The following PPEF1 variants were observed in gnomAD, a reference collection of about 807,000 sequenced individuals.
The protein encoded by PPEF1 is protein phosphatase with EF-hand domain 1, also known as serine/threonine-protein phosphatase with EF-hands 1.
A neutral mutation model predicts 53.3 loss-of-function variants in PPEF1; 12 were observed. The ratio of observed to expected loss-of-function variants is 0.23; its 90% CI spans 0.14 to 0.36. The LOEUF is 0.36. Ranked by LOEUF, PPEF1 falls within the 10% of genes least tolerant of loss-of-function variation. The probability of loss-of-function intolerance (pLI) is 1.00; values close to 1 mark genes in which losing one functional copy is unlikely to be tolerated. For missense variants in PPEF1, 334 were observed against 490.4 expected (o/e 0.68, Z 3.01); for synonymous variants, 165 against 176.7 (o/e 0.93, Z 0.52).
At chrX:18,803,861 G>A (rs752658880) in intron 10 of PPEF1, 31 bp from the exon 11 acceptor site, 35 of 1,146,275 alleles carry the variant, frequency 3.1e-5, no homozygotes, top group Admixed American at 1.8e-4. Context: ...TCACTTGTAA[G>A]TTACAGCGAA....
intron 6 of PPEF1, among the ~76,000 whole-genome samples, chrX:18,766,593 C>G (rs2045779132): frequency 8.9e-6 from 1 of 111,996 alleles, no homozygotes; most frequent in Non-Finnish European, 1.9e-5. Context: ...ACTCACAGGA[C>G]AGGCCTTAGG....
intron 1 of PPEF1, among the ~76,000 whole-genome samples, chrX:18,723,269 G>GCCA (rs1230981512): frequency 9.0e-6 from 1 of 111,610 alleles, no homozygotes; most frequent in Non-Finnish European, 1.9e-5. Flanking sequence ...ACAGGCGTGA[G>GCCA]CCACCATGTG....
chrX:18,806,261 TCACA>T (rs2046661307), intron 11 of PPEF1, 138 bp from the exon 12 acceptor site: 2 of 654,858 alleles, frequency 3.1e-6, no homozygotes, highest in African/African-American at 4.5e-5. Flanking sequence ...GTCATAGAAA[TCACA>T]TCAGACTGTG....
At chrX:18,783,410 C>T (rs2046133483) in intron 8 of PPEF1, among the ~76,000 whole-genome samples, 1 of 110,810 alleles carries the variant, frequency 9.0e-6, no homozygotes, top group South Asian at 3.9e-4. Flanking sequence ...CCCAAGATGT[C>T]ATAGTATCAA....
At chrX:18,783,770 T>C in intron 8 of PPEF1, 129 bp from the exon 9 acceptor site, 2 of 586,779 alleles carry the variant, frequency 3.4e-6, no homozygotes, top group Admixed American at 3.3e-5. Flanking sequence ...TACATGCTAA[T>C]TGGTTAGTGA....
chrX:18,756,432 G>A (rs1278530738), intron 4 of PPEF1, among the ~76,000 whole-genome samples: 1 of 111,290 alleles, frequency 9.0e-6, no homozygotes, highest in Non-Finnish European at 1.9e-5. Flanking sequence ...TGCCCACCTC[G>A]GCCTTCCAAA....
At chrX:18,821,137 G>A (rs915515108) in intron 13 of PPEF1, among the ~76,000 whole-genome samples, 4 of 106,302 alleles carry the variant, frequency 3.8e-5, no homozygotes, top group African/African-American at 1.4e-4. Context: ...GCAGGAGAAT[G>A]GCATGAACCC....
At chrX:18,682,282 GA>G (rs1430946266), upstream of PPEF1, among the ~76,000 whole-genome samples, 1 of 112,604 alleles carries the variant, frequency 8.9e-6, no homozygotes, top group Non-Finnish European at 1.9e-5. Flanking sequence ...TGGCCTTTGG[GA>G]GCCCTCCACG....
rs1340522249 is a variant in PPEF1, at chrX:18,798,541, A to C, written c.1066-5351A>C. Reference sequence around the variant, plus strand: ...ACGTGACCTACTTTAGTCAGCCCTTATTCAATGAGGCCTGAAGGGTGGACA... The same window carrying C: ...ACGTGACCTACTTTAGTCAGCCCTTCTTCAATGAGGCCTGAAGGGTGGACA... On this transcript the variant is annotated intron_variant, in intron 10 of 15. Transcript: ENST00000470157. 1.3e-4 allele frequency among the ~76,000 whole-genome samples: 15 copies of C among 111,624 alleles called. 1 individual carries two copies. The Admixed American group carries it at 1.4e-3, about 11-fold the overall frequency.
intron 13 of PPEF1, among the ~76,000 whole-genome samples, chrX:18,821,029 C>T (rs893989789): frequency 5.5e-5 from 6 of 108,768 alleles, no homozygotes; most frequent in African/African-American, 2.0e-4. Flanking sequence ...GGAGACCATC[C>T]TGGCTAACAC....
At chrX:18,741,811 T>G (rs1319046628) in intron 3 of PPEF1, among the ~76,000 whole-genome samples, 1 of 103,981 alleles carries the variant, frequency 9.6e-6, no homozygotes, top group African/African-American at 3.5e-5. Flanking sequence ...TTTTGTTTTG[T>G]TGTCGTTGTT....
intron 11 of PPEF1, 100 bp downstream of exon 11, chrX:18,804,177 G>A: frequency 3.9e-6 from 3 of 765,258 alleles, no homozygotes; most frequent in South Asian, 2.8e-5. Flanking sequence ...ATGAGAAGAT[G>A]TCTTCTCTAG....
chrX:18,794,869 G>A (rs943140767), intron 10 of PPEF1, among the ~76,000 whole-genome samples: 3 of 112,551 alleles, frequency 2.7e-5, no homozygotes, highest in African/African-American at 9.7e-5. Flanking sequence ...ATGCTGATCA[G>A]TGAAGGGGGT....
chrX:18,677,229 G>T (rs920631344), intron 1 of PPEF1, among the ~76,000 whole-genome samples: 1 of 110,491 alleles, frequency 9.1e-6, no homozygotes, highest in Non-Finnish European at 1.9e-5. Flanking sequence ...AGTAGAAATG[G>T]GGTTTCACCA....
chrX:18,749,783 C>T lies in PPEF1; in HGVS notation c.236-9C>T. 2.7e-6 allele frequency: 2 copies of T among 740,031 alleles called. No individual in the cohort carries two copies. Among genetic ancestry groups the T allele is most frequent in the Non-Finnish European group, 1.8e-6 (1 of 543,237 alleles). The allele number at this position is 740,031 out of a possible 1,213,427, so 61.0% of individuals were successfully genotyped here. ...CCCCCACCCCCCCGTTCTGTCCTTC[C>T]TTTTCCAGAATTAAGAAATCAGTCT... On this transcript the variant is annotated splice_polypyrimidine_tract_variant and intron_variant, in intron 3 of 15. Transcript: ENST00000470157.
intron 3 of PPEF1, among the ~76,000 whole-genome samples, chrX:18,745,744 G>T (rs192835946): frequency 1.8e-5 from 2 of 111,837 alleles, no homozygotes; most frequent in East Asian, 2.8e-4. Flanking sequence ...TGTTAAGGAA[G>T]TATCATTCCA....
Position 18,789,258 on chromosome X carries a change from G to A in PPEF1, c.1050G>A (p.Glu350=). The A allele has an allele frequency of 8.3e-7, 1 of 1,209,967 alleles. No individual in the cohort carries two copies. The highest frequency in any genetic ancestry group is 1.1e-6 in the Non-Finnish European group (1 of 894,112). ...TNGSPTEHLT[E]HEWEQIIDIL... is the part of the protein sequence containing the mutation. ...GATCTCCTACTGAACACTTAACAGA[G>A]CATGAATGGGAACAGGTAGGTAATC... Residue 350 remains glutamate, a synonymous_variant, in exon 10 of 16, where the codon GAG becomes GAA. Transcript: ENST00000470157.
intron 3 of PPEF1, among the ~76,000 whole-genome samples, chrX:18,738,586 A>G (rs2045056147): frequency 9.0e-6 from 1 of 111,487 alleles, no homozygotes; most frequent in Non-Finnish European, 1.9e-5. Context: ...ACTTTGGTGA[A>G]TCTGACAATT....
At chrX:18,819,615 A>C (rs2046991380) in intron 13 of PPEF1, among the ~76,000 whole-genome samples, 1 of 111,628 alleles carries the variant, frequency 9.0e-6, no homozygotes, top group Non-Finnish European at 1.9e-5. Context: ...AATTGCTTGA[A>C]CCCAGGAGGC....
Sources: allele counts gnomAD v4.1 joint callset (sites outside exome capture counted in the v4.1 genomes callset), GRCh38; gene constraint gnomAD v4.1.1; transcripts MANE v1.5; gene names NCBI Gene and HGNC (gene_info 2026-07-23, HGNC 2026-07-21).